The following N4BP2L2 variants were observed in gnomAD, a reference collection of about 807,000 sequenced individuals.
N4BP2L2 encodes NEDD4-binding protein 2-like 2.
Under a neutral mutation model 56.2 loss-of-function variants are expected in N4BP2L2, and 50 were observed. That is an observed-to-expected ratio of 0.89 (90% CI 0.71 to 1.13). The LOEUF (loss-of-function observed/expected upper bound fraction) is 1.13, where lower values mean the gene tolerates loss of function less well. Among genes scored for constraint, N4BP2L2 ranks in the 50% most tolerant of loss-of-function variants. The probability of loss-of-function intolerance (pLI) is 0.00; values close to 1 mark genes in which losing one functional copy is unlikely to be tolerated. For missense variants in N4BP2L2, 689 were observed against 693.8 expected (o/e 0.99, Z 0.08); for synonymous variants, 203 against 223.6 (o/e 0.91, Z 0.82).
chr13:32,488,070 AG>A (rs2139276606), intron 6 of N4BP2L2, among the ~76,000 whole-genome samples: 1 of 152,272 alleles, frequency 6.6e-6, no homozygotes, highest in East Asian at 1.9e-4. Flanking sequence ...ATAAAGAAAT[AG>A]AGGCCTAGTT....
At chr13:32,502,415 T>C (rs1390996351) in intron 6 of N4BP2L2, among the ~76,000 whole-genome samples, 1 of 152,052 alleles carries the variant, frequency 6.6e-6, no homozygotes, top group Non-Finnish European at 1.5e-5. Context: ...TTTCCATCTC[T>C]GCTCATCTTC....
chr13:32,489,401 A>G (rs1349538382), intron 6 of N4BP2L2, among the ~76,000 whole-genome samples: 1 of 152,228 alleles, frequency 6.6e-6, no homozygotes, highest in Non-Finnish European at 1.5e-5. Flanking sequence ...TTATCCTTAA[A>G]TAAACTAACT....
chr13:32,443,510 T>G, exon 7 of N4BP2L2: 1 of 1,611,680 alleles, frequency 6.2e-7, no homozygotes, highest in Non-Finnish European at 8.5e-7. Flanking sequence ...GACATTCTGA[T>G]TCCATGTTGA....
At chr13:32,474,789 T>A (rs986761524) in intron 6 of N4BP2L2, among the ~76,000 whole-genome samples, 2 of 152,212 alleles carry the variant, frequency 1.3e-5, no homozygotes, top group Non-Finnish European at 2.9e-5. Context: ...AAAAGTCACA[T>A]GGCTAACAAA....
At chr13:32,436,600 G>C (rs1392830392) in intron 8 of N4BP2L2, among the ~76,000 whole-genome samples, 2 of 151,754 alleles carry the variant, frequency 1.3e-5, no homozygotes, top group Non-Finnish European at 2.9e-5. Context: ...GAACAGCGTG[G>C]CCAACATGGC....
At chr13:32,534,288 T>A (rs2055903310) in intron 2 of N4BP2L2, among the ~76,000 whole-genome samples, 1 of 152,236 alleles carries the variant, frequency 6.6e-6, no homozygotes, top group African/African-American at 2.4e-5. Context: ...ATGTCTCCTT[T>A]AAATTCTATC....
At chr13:32,440,991 A>G (rs2076242778) in intron 7 of N4BP2L2, among the ~76,000 whole-genome samples, 1 of 151,026 alleles carries the variant, frequency 6.6e-6, no homozygotes, top group African/African-American at 2.4e-5. Context: ...AGTAGCTAGG[A>G]TTACAGGCAC....
chr13:32,463,014 A>G (rs1203157191), intron 6 of N4BP2L2, among the ~76,000 whole-genome samples: 1 of 151,780 alleles, frequency 6.6e-6, no homozygotes, highest in African/African-American at 2.4e-5. Flanking sequence ...CTGCACTCCA[A>G]CCTGTGTGAC....
chr13:32,452,195 G>T (rs2078197224), intron 6 of N4BP2L2, among the ~76,000 whole-genome samples: 1 of 152,096 alleles, frequency 6.6e-6, no homozygotes, highest in South Asian at 2.1e-4. Flanking sequence ...CCGAGTAGCT[G>T]GGATTACAGG....
intron 6 of N4BP2L2, among the ~76,000 whole-genome samples, chr13:32,470,914 G>A (rs1277185369): frequency 6.6e-6 from 1 of 152,190 alleles, no homozygotes; most frequent in Non-Finnish European, 1.5e-5. Context: ...TCTTAATAGG[G>A]CAGGGAACAC....
chr13:32,450,256 T>C (rs1188181781), intron 6 of N4BP2L2, among the ~76,000 whole-genome samples: 1 of 151,414 alleles, frequency 6.6e-6, no homozygotes, highest in Non-Finnish European at 1.5e-5. Context: ...CATGGAAAAA[T>C]GAATAGGTAG....
At chr13:32,469,381 G>A (rs1331042904) in intron 6 of N4BP2L2, among the ~76,000 whole-genome samples, 2 of 152,190 alleles carry the variant, frequency 1.3e-5, no homozygotes, top group Non-Finnish European at 2.9e-5. Flanking sequence ...GCACAGCACC[G>A]AGAAAGTACA....
At chr13:32,502,895 A>C (rs972185738) in intron 6 of N4BP2L2, among the ~76,000 whole-genome samples, 3 of 152,136 alleles carry the variant, frequency 2.0e-5, no homozygotes, top group Non-Finnish European at 2.9e-5. Flanking sequence ...ATATTTGGAC[A>C]GACATGGTGG....
intron 6 of N4BP2L2, among the ~76,000 whole-genome samples, chr13:32,449,779 G>GC (rs1593462514): frequency 2.0e-5 from 3 of 152,218 alleles, no homozygotes; most frequent in Middle Eastern, 6.8e-3. Flanking sequence ...CTCCCACGAT[G>GC]CAATTCAAGA....
chr13:32,446,271 G>T, intron 6 of N4BP2L2: 1 of 899,306 alleles, frequency 1.1e-6, no homozygotes. Flanking sequence ...AATGTACCTA[G>T]AAACAGTTGT....
chr13:32,521,931 G>T (rs1469483300), intron 4 of N4BP2L2: 3 of 392,602 alleles, frequency 7.6e-6, no homozygotes, highest in Non-Finnish European at 9.0e-6. Context: ...AGCCAAGATG[G>T]TGCCACTGCA....
At chr13:32,492,880 A>T (rs1307879730) in intron 6 of N4BP2L2, among the ~76,000 whole-genome samples, 1 of 151,960 alleles carries the variant, frequency 6.6e-6, no homozygotes, top group Non-Finnish European at 1.5e-5. Context: ...GAGACATAGA[A>T]AACAACAAAA....
chr13:32,494,164 T>C (rs925942219), intron 6 of N4BP2L2, among the ~76,000 whole-genome samples: 2 of 152,106 alleles, frequency 1.3e-5, no homozygotes, highest in Non-Finnish European at 2.9e-5. Flanking sequence ...ACGCCTGTAA[T>C]CCCAGCTACT....
chr13:32,510,046 GTTCT>G (rs1160422856), downstream of N4BP2L2, among the ~76,000 whole-genome samples: 1 of 151,950 alleles, frequency 6.6e-6, no homozygotes, highest in Admixed American at 6.6e-5. Context: ...CTCTTTTACT[GTTCT>G]TTCAGAAAAT....
Sources: gnomAD v4.1 joint callset for allele counts (sites outside exome capture counted in the v4.1 genomes callset) on GRCh38, gnomAD v4.1.1 for gene constraint, MANE v1.5 for transcripts, NCBI Gene and HGNC (gene_info 2026-07-23, HGNC 2026-07-21) for gene names.